The following KCNIP4 variants were observed in gnomAD, a reference collection of about 807,000 sequenced individuals.
KCNIP4 encodes potassium voltage-gated channel interacting protein 4, also known as Kv channel-interacting protein 4.
Under a neutral mutation model 34.0 loss-of-function variants are expected in KCNIP4, and 12 were observed. That is an observed-to-expected ratio of 0.35 (90% CI 0.23 to 0.57). KCNIP4 has a LOEUF of 0.57. Ranked by LOEUF, KCNIP4 falls within the 20% of genes least tolerant of loss-of-function variation. The pLI is 0.83. For synonymous variants in KCNIP4, 124 were observed against 102.2 expected, an observed-to-expected ratio of 1.21 and a Z score of -1.29; for missense variants, 238 against 311.7, an observed-to-expected ratio of 0.76 and a Z score of 1.78.
intron 1 of KCNIP4, among the ~76,000 whole-genome samples, chr4:21,126,633 G>GAAA (rs796803101): frequency 8.5e-5 from 10 of 117,806 alleles, no homozygotes; most frequent in East Asian, 2.8e-4. Context: ...AAAAAAAAAA[G>GAAA]AAAAGAAAAA....
intron 5 of KCNIP4, among the ~76,000 whole-genome samples, chr4:20,744,761 G>A (rs768031465): frequency 3.3e-5 from 5 of 150,136 alleles, no homozygotes; most frequent in Non-Finnish European, 7.5e-5. Context: ...AGAACTTAAA[G>A]AATAATAATA....
At chr4:20,771,455 T>G (rs895738797) in intron 3 of KCNIP4, among the ~76,000 whole-genome samples, 1 of 152,178 alleles carries the variant, frequency 6.6e-6, no homozygotes, top group Admixed American at 6.5e-5. Flanking sequence ...AACCTTCTTG[T>G]CCTTGTATTA....
intron 1 of KCNIP4, among the ~76,000 whole-genome samples, chr4:20,989,880 G>C (rs1736928697): frequency 1.3e-5 from 2 of 152,216 alleles, no homozygotes; most frequent in East Asian, 3.9e-4. Context: ...GAGGTGGGAG[G>C]ATTGCTTGAA....
At chr4:21,694,831 CA>C (rs1417824000) in intron 1 of KCNIP4, among the ~76,000 whole-genome samples, 5 of 134,638 alleles carry the variant, frequency 3.7e-5, no homozygotes, top group South Asian at 4.8e-4. Context: ...AAGCAGCTGC[CA>C]AAAATAAAAT....
rs541806295 is a variant in KCNIP4 at position 21,683,000 on chromosome 4, C to T, written c.61+265571G>A. Among the ~76,000 whole-genome samples the T allele has an allele frequency of 4.6e-5, 7 of 152,180 alleles. No homozygotes were observed. The South Asian group carries it at 6.2e-4, about 14-fold the overall frequency. On this transcript the variant is annotated intron_variant, in intron 1 of 8. Transcript: ENST00000382152. Reference sequence around the variant, plus strand: ...TGAACATGTGTTTTTGGAAGAATGGCGCTGATAGTATTGCAAAAGGCAGGG... The same window carrying T: ...TGAACATGTGTTTTTGGAAGAATGGTGCTGATAGTATTGCAAAAGGCAGGG...
At chr4:21,923,434 T>C (rs1027982434) in intron 1 of KCNIP4, among the ~76,000 whole-genome samples, 1 of 151,838 alleles carries the variant, frequency 6.6e-6, no homozygotes, top group African/African-American at 2.4e-5. Context: ...ATACAAAAAT[T>C]AGCCGGAGTG....
chr4:21,072,852 T>C (rs916662705), intron 1 of KCNIP4, among the ~76,000 whole-genome samples: 7 of 152,082 alleles, frequency 4.6e-5, no homozygotes, highest in Admixed American at 4.6e-4. Flanking sequence ...CCAGTTTCAG[T>C]TTTCTCCATA....
intron 3 of KCNIP4, among the ~76,000 whole-genome samples, chr4:20,783,827 A>G (rs1711558281): frequency 6.6e-6 from 1 of 152,220 alleles, no homozygotes; most frequent in Non-Finnish European, 1.5e-5. Context: ...TTTTTATATT[A>G]TCTAGTAATT....
chr4:21,229,242 C>A (rs1758626602), intron 1 of KCNIP4, among the ~76,000 whole-genome samples: 1 of 152,142 alleles, frequency 6.6e-6, no homozygotes, highest in South Asian at 2.1e-4. Context: ...AGCTTCAATG[C>A]CACATCTATC....
At chr4:20,882,522 C>A (rs187567797) in intron 2 of KCNIP4, 86 bp downstream of exon 2, 2 of 871,392 alleles carry the variant, frequency 2.3e-6, no homozygotes, top group South Asian at 1.4e-5. Context: ...TATACTGATT[C>A]TTTGTAGAGA....
intron 1 of KCNIP4, among the ~76,000 whole-genome samples, chr4:21,392,864 G>A (rs553356573): frequency 1.3e-5 from 2 of 152,232 alleles, no homozygotes; most frequent in African/African-American, 4.8e-5. Context: ...TATGTACAAA[G>A]ACAAGCACAT....
chr4:20,864,123 T>C (rs145004147), intron 2 of KCNIP4, among the ~76,000 whole-genome samples: 11 of 120,624 alleles, frequency 9.1e-5, no homozygotes, highest in East Asian at 6.0e-4. Context: ...CATATCCATG[T>C]ATACACATGT....
chr4:21,618,644 T>C (rs1222397428), intron 1 of KCNIP4, among the ~76,000 whole-genome samples: 2 of 142,430 alleles, frequency 1.4e-5, no homozygotes, highest in African/African-American at 5.2e-5. Context: ...TTTTTTTTTT[T>C]TTTTTTGAGA....
At chr4:20,935,622 T>C (rs1413858454) in intron 1 of KCNIP4, among the ~76,000 whole-genome samples, 1 of 152,226 alleles carries the variant, frequency 6.6e-6, no homozygotes, top group Non-Finnish European at 1.5e-5. Flanking sequence ...GTCACCTCTT[T>C]GTAAAATATC....
intron 1 of KCNIP4, among the ~76,000 whole-genome samples, chr4:21,251,779 G>A (rs562441662): frequency 2.7e-5 from 4 of 149,464 alleles, no homozygotes; most frequent in South Asian, 2.1e-4. Context: ...ACCAAACACC[G>A]CATATTCTCA....
chr4:20,983,515 A>G (rs6841954), intron 1 of KCNIP4, among the ~76,000 whole-genome samples: 71,802 of 151,890 alleles, frequency 0.47, 18,164 homozygotes, highest in African/African-American at 0.65. Flanking sequence ...ATACCAACCC[A>G]TATTATCACC....
chr4:21,664,414 CA>C (rs200113468), intron 1 of KCNIP4, among the ~76,000 whole-genome samples: 45,249 of 138,052 alleles, frequency 0.33, 7,982 homozygotes, highest in East Asian at 0.75. Context: ...TAAACAGAGA[CA>C]AAAAAAAAAA....
chr4:21,682,778 A>T (rs1009647484), intron 1 of KCNIP4, among the ~76,000 whole-genome samples: 1 of 152,166 alleles, frequency 6.6e-6, no homozygotes, highest in African/African-American at 2.4e-5. Context: ...AAGAAAAGAC[A>T]TGGGGAATAG....
intron 1 of KCNIP4, among the ~76,000 whole-genome samples, chr4:21,507,641 C>T (rs1258370184): frequency 6.6e-6 from 1 of 152,090 alleles, no homozygotes; most frequent in Admixed American, 6.6e-5. Flanking sequence ...GTGTTGGAGA[C>T]AAATACAGTA....
Sources: allele counts gnomAD v4.1 joint callset (sites outside exome capture counted in the v4.1 genomes callset), GRCh38; gene constraint gnomAD v4.1.1; transcripts MANE v1.5; gene names NCBI Gene and HGNC (gene_info 2026-07-23, HGNC 2026-07-21).